The following BRD8 variants were observed in gnomAD, a reference collection of about 807,000 sequenced individuals.
BRD8 encodes bromodomain-containing protein 8.
Under a neutral mutation model 143.1 loss-of-function variants are expected in BRD8, and 67 were observed. The ratio of observed to expected loss-of-function variants is 0.47; its 90% confidence interval spans 0.38 to 0.57. The LOEUF is 0.57. BRD8 is among the 20% of genes least tolerant of loss of function. BRD8 has a pLI of 0.00. For synonymous variants in BRD8, 505 were observed against 517.1 expected (o/e 0.98, Z 0.32); for missense variants, 1,103 against 1,503.0 (o/e 0.73, Z 4.40).
chr5:138,173,111 T>C (rs1754024902), intron 2 of BRD8, among the ~76,000 whole-genome samples: 1 of 152,136 alleles, frequency 6.6e-6, no homozygotes. Flanking sequence ...ATACTATTTT[T>C]CTATGGCTGG....
Position 138,162,037 on chromosome 5 carries a change from T to C in BRD8, c.2180+17A>G, listed in dbSNP as rs775285737. The C allele has an allele frequency of 8.1e-6, 13 of 1,607,424 alleles. No homozygotes were observed. Among genetic ancestry groups the C allele is most frequent in the South Asian group, 2.2e-5 (2 of 90,182 alleles). The stretch of plus-strand genomic sequence containing the variant: ...AGTAGGAGAAAATGAACCTACTGAC[T>C]GGTAAAGCCCACTCACCTATGATTA... On this transcript the variant is annotated intron_variant, in intron 16 of 26. Transcript: ENST00000254900.
chr5:138,177,099 A>C (rs1176419518), intron 2 of BRD8: 1 of 152,474 alleles, frequency 6.6e-6, no homozygotes, highest in African/African-American at 2.4e-5. Flanking sequence ...AAAAAAAAAA[A>C]AAAAAATAGG....
intron 1 of BRD8, among the ~76,000 whole-genome samples, chr5:138,177,937 G>A (rs1581472706): frequency 6.6e-6 from 1 of 152,046 alleles, no homozygotes; most frequent in Admixed American, 6.6e-5. Flanking sequence ...TAAGAAACAG[G>A]GAATGTCAGA....
chr5:138,140,999 C>T (rs1046256450), intron 25 of BRD8, 117 bp from the exon 26 acceptor site: 3 of 1,033,404 alleles, frequency 2.9e-6, no homozygotes, highest in Non-Finnish European at 4.3e-6. Flanking sequence ...GCAAAGATAA[C>T]AACCCTCATC....
chr5:138,142,549 G>C (rs905426317), intron 25 of BRD8, among the ~76,000 whole-genome samples: 2 of 151,928 alleles, frequency 1.3e-5, no homozygotes, highest in African/African-American at 2.4e-5. Context: ...CGGATCACGA[G>C]GTCAAGAGAT....
chr5:138,169,495 G>C, intron 7 of BRD8, 137 bp from the exon 8 acceptor site: 1 of 988,228 alleles, frequency 1.0e-6, no homozygotes, highest in Non-Finnish European at 1.4e-6. Context: ...GGATTAGAAA[G>C]CTTTAACACT....
intron 18 of BRD8, 88 bp downstream of exon 18, chr5:138,160,803 C>A: frequency 7.8e-7 from 1 of 1,283,110 alleles, no homozygotes; most frequent in Non-Finnish European, 1.0e-6. Flanking sequence ...GTAAAAGCCA[C>A]AGCAACCCTT....
rs757385474 is a variant in BRD8, at chr5:138,169,333, G to A, written c.531C>T (p.Pro177=). The change falls in exon 8 of 27, where the codon CCC becomes CCT. Residue 177 remains proline (P), a synonymous_variant. Transcript: ENST00000254900. The part of the protein sequence containing the change: ...YQARQAVKTP[P]RRLPTVMVRS... Reference sequence around the variant, plus strand: ...GAACCATCACAGTGGGTAACCTCCGGGGGGGTGTTTTTACTGCTTGACGAG... The same window carrying A: ...GAACCATCACAGTGGGTAACCTCCGAGGGGGTGTTTTTACTGCTTGACGAG... 3 of 1,613,964 alleles carry A rather than the reference G, an allele frequency of 1.9e-6. No individual in the cohort carries two copies. The highest frequency in any genetic ancestry group is 2.2e-5 in the South Asian group (2 of 91,062).
At chr5:138,150,631 G>A (rs1752340452) in intron 22 of BRD8, 114 bp downstream of exon 22, 4 of 1,228,286 alleles carry the variant, frequency 3.3e-6, no homozygotes, top group Non-Finnish European at 4.5e-6. Context: ...CTAAATCCAG[G>A]ATTTGGATCC....
intron 15 of BRD8, 103 bp downstream of exon 15, chr5:138,163,027 A>G: frequency 1.1e-6 from 1 of 936,758 alleles, no homozygotes; most frequent in South Asian, 1.7e-5. Context: ...AAGGAAAGGG[A>G]AAAGAAAAGA....
chr5:138,157,117 A>T, intron 20 of BRD8: 1 of 1,592,892 alleles, frequency 6.3e-7, no homozygotes. Context: ...CTCTTCTGTA[A>T]CTTCCACCTC....
intron 7 of BRD8, 130 bp from the exon 8 acceptor site, chr5:138,169,488 T>C: frequency 1.8e-6 from 2 of 1,088,654 alleles, no homozygotes; most frequent in Non-Finnish European, 2.6e-6. Context: ...TAAGTTTGGA[T>C]TAGAAAGCTT....
At position 138,169,496 on chromosome 5, in the gene BRD8, C is replaced by T. The variant is rs948635430; in HGVS notation, c.506-138G>A. ...AGCATAATAAGTTTGGATTAGAAAGCTTTAACACTTCTAGAGATGGATAAC... is the reference window on the plus strand; with the variant it reads ...AGCATAATAAGTTTGGATTAGAAAGTTTTAACACTTCTAGAGATGGATAAC... On this transcript the variant is annotated intron_variant, in intron 7 of 26. Transcript: ENST00000254900. The T allele has an allele frequency of 8.2e-6, 8 of 978,186 alleles. No individual in the cohort carries two copies. In the African/African-American group the frequency reaches 1.1e-4, roughly 14 times the overall value. The allele number at this position is 978,186 out of a possible 1,614,324, so 60.6% of individuals were successfully genotyped here.
intron 9 of BRD8, chr5:138,166,931 G>C (rs548634026): frequency 3.9e-6 from 2 of 506,406 alleles, no homozygotes; most frequent in East Asian, 7.3e-5. Flanking sequence ...CAAAGCACTA[G>C]AACACACAAC....
At chr5:138,154,830 CTT>C (rs200415636) in intron 20 of BRD8, among the ~76,000 whole-genome samples, 26 of 137,318 alleles carry the variant, frequency 1.9e-4, no homozygotes, top group South Asian at 4.7e-4. Context: ...AAGTTCATAA[CTT>C]TTTTTTTTTT....
Position 138,145,874 on chromosome 5 carries a change from C to G in BRD8, c.3283G>C (p.Asp1095His), listed in dbSNP as rs1280590178. ...TGAACAGGGTCATCCTGGCTTAGAT[C>G]AGTCCTATGAGGATAAAACATGAAG... ...FSHATSSKLTDLSQDDPVQDH... is the reference protein window; with the variant it reads ...FSHATSSKLTHLSQDDPVQDH... The change falls in exon 24 of 27, where the codon GAT becomes CAT. Residue 1095 changes from aspartate (D) to histidine (H), a missense_variant. Asp to His is a moderately conservative substitution (Grantham distance 81). Transcript: ENST00000254900. 1.2e-6 allele frequency: 2 copies of G among 1,613,224 alleles called. No individual in the cohort carries two copies. Among genetic ancestry groups the G allele is most frequent in the South Asian group, 2.2e-5 (2 of 91,054 alleles).
intron 20 of BRD8, among the ~76,000 whole-genome samples, chr5:138,158,278 C>T (rs188311842): frequency 1.3e-5 from 2 of 152,272 alleles, no homozygotes; most frequent in East Asian, 1.9e-4. Flanking sequence ...GTTTTCTAGC[C>T]TGATGCCCTT....
In BRD8 at chr5:138,160,128, T is replaced by C. The variant is rs1302508489; in HGVS notation, c.2473A>G (p.Ile825Val). Residue 825 changes from isoleucine to valine, a missense_variant, in exon 19 of 27, where the codon ATC becomes GTC. Coordinates refer to ENST00000254900, the MANE Select transcript of BRD8 (RefSeq NM_139199.2). ...QLIMQTSESG[I>V]SAKSLRGRDS... ...CTCCCTCGAAGACTTTTAGCACTGA[T>C]CCCAGACTCGGATGTTTGCATAATC... 1 of 1,614,142 alleles carries C rather than the reference T, an allele frequency of 6.2e-7. No individual in the cohort carries two copies. Among genetic ancestry groups the C allele is most frequent in the Non-Finnish European group, 8.5e-7 (1 of 1,180,026 alleles).
At chr5:138,178,572 C>T (rs1378596851) in intron 1 of BRD8, 24 bp downstream of exon 1, 11 of 1,611,546 alleles carry the variant, frequency 6.8e-6, no homozygotes, top group Admixed American at 6.7e-5. Flanking sequence ...AGGCCTTTCA[C>T]GCAAAACCTG....
Sources: allele counts gnomAD v4.1 joint callset (sites outside exome capture counted in the v4.1 genomes callset), GRCh38; gene constraint gnomAD v4.1.1; transcripts MANE v1.5; gene names NCBI Gene and HGNC (gene_info 2026-07-23, HGNC 2026-07-21).